FAM171A1: variants seen among roughly 807,000 people sequenced by gnomAD.
FAM171A1 encodes family with sequence similarity 171 member A1, also known as protein FAM171A1.
FAM171A1 carries 23 observed loss-of-function variants against 74.9 expected under a neutral mutation model. That is an observed-to-expected ratio of 0.31 (90% CI 0.22 to 0.44). The LOEUF (loss-of-function observed/expected upper bound fraction) is 0.44. Ranked by LOEUF, FAM171A1 falls within the 20% of genes least tolerant of loss-of-function variation. The pLI, the probability that FAM171A1 is intolerant of heterozygous loss-of-function variation, is 1.00. For missense variants in FAM171A1, 1,162 were observed against 1,159.2 expected (o/e 1.00, Z -0.03); for synonymous variants, 527 against 505.7 (o/e 1.04, Z -0.57).
chr10:15,370,985 G>A lies in FAM171A1; in HGVS notation c.68C>T (p.Thr23Met), dbSNP rs1172812611. The A allele has an allele frequency of 8.4e-7, 1 of 1,189,852 alleles. No individual in the cohort carries two copies. Among genetic ancestry groups the A allele is most frequent in the Non-Finnish European group, 1.1e-6 (1 of 937,960 alleles). 73.7% of individuals were successfully genotyped at this position (1,189,852 alleles called of 1,614,324 possible). A position where few individuals can be genotyped will look rare whatever the true frequency, so the allele number is the denominator to read the frequency against. Residue 23 changes from threonine to methionine, a missense_variant, in exon 1 of 8, where the codon ACG becomes ATG. Thr to Met is a moderately conservative substitution (Grantham distance 81, BLOSUM62 -1). Coordinates refer to ENST00000378116, the MANE Select transcript of FAM171A1 (RefSeq NM_001010924.2). ...GGCTCCGGCGCCGGGCTCCCGCAGC[G>A]TCTTGGTCACCGCCTTCCAGACGTG... ...GCHVWKAVTK[T>M]LREPGAGAQE...
intron 1 of FAM171A1, among the ~76,000 whole-genome samples, chr10:15,284,933 A>T (rs545417680): frequency 1.2e-4 from 15 of 128,248 alleles, no homozygotes; most frequent in East Asian, 1.1e-3. Context: ...GAAAAAGAAT[A>T]AAAAAAAAAA....
At chr10:15,295,218 G>A (rs948398061) in intron 1 of FAM171A1, among the ~76,000 whole-genome samples, 17 of 152,134 alleles carry the variant, frequency 1.1e-4, no homozygotes, top group African/African-American at 3.6e-4. Context: ...GATTATAGGC[G>A]TGAGCCACCA....
chr10:15,213,526 G>T lies in FAM171A1; in HGVS notation c.2062C>A (p.Leu688Met). The T allele has an allele frequency of 6.2e-7, 1 of 1,614,150 alleles. No individual in the cohort carries two copies. Among genetic ancestry groups the T allele is most frequent in the Non-Finnish European group, 8.5e-7 (1 of 1,180,028 alleles). ...AGCTCCATCAGGGCCTTTTCAGTCA[G>T]GAGCTGCACCTCACTGTTCATCTGA... ...LAQMNSEVQLLTEKALMELGG... is the reference protein window; with the variant it reads ...LAQMNSEVQLMTEKALMELGG... The change falls in exon 8 of 8, where the codon CTG (leucine) becomes ATG (methionine). Residue 688 changes from leucine (L) to methionine (M), a missense_variant. Coordinates refer to ENST00000378116, the MANE Select transcript of FAM171A1 (RefSeq NM_001010924.2). The surrounding 1 kb of genome is among the most constrained non-coding windows in gnomAD (Gnocchi z 6.8).
chr10:15,340,266 G>T (rs978154371), intron 1 of FAM171A1, among the ~76,000 whole-genome samples: 1 of 152,130 alleles, frequency 6.6e-6, no homozygotes, highest in Non-Finnish European at 1.5e-5. Context: ...TAGGAAGAGG[G>T]ATGAAGGGAT....
At chr10:15,317,158 T>C (rs1026789542) in intron 1 of FAM171A1, among the ~76,000 whole-genome samples, 2 of 151,672 alleles carry the variant, frequency 1.3e-5, no homozygotes, top group Non-Finnish European at 2.9e-5. Context: ...AGAAAAGAGA[T>C]GCAGAAAGAA....
At chr10:15,370,404 AGGCTAGT>A (rs1308641545) in intron 1 of FAM171A1, among the ~76,000 whole-genome samples, 4 of 151,190 alleles carry the variant, frequency 2.6e-5, no homozygotes, top group Non-Finnish European at 5.9e-5. Flanking sequence ...AAACTGCGGC[AGGCTAGT>A]GGCTAGTGGC....
In FAM171A1 at chr10:15,254,749, A is replaced by G. The variant is rs1834555154; in HGVS notation, c.549T>C (p.Tyr183=). The G allele has an allele frequency of 1.9e-6, 3 of 1,614,210 alleles. No individual in the cohort carries two copies. Among genetic ancestry groups the G allele is most frequent in the Non-Finnish European group, 1.7e-6 (2 of 1,180,030 alleles). The change falls in exon 4 of 8, where the codon TAT becomes TAC. Residue 183 remains tyrosine, a synonymous_variant. Transcript: ENST00000378116. ...TTCCATTTCCGTCTAATCCTCGCAA[A>G]TAAGGAAAACTGTCCACCTCCGAAG... ...SSPSEVDSFP[Y]LRGLDGNGTG... is the part of the protein sequence containing the mutation.
At chr10:15,340,768 G>A (rs1030725079) in intron 1 of FAM171A1, among the ~76,000 whole-genome samples, 1 of 152,200 alleles carries the variant, frequency 6.6e-6, no homozygotes, top group Non-Finnish European at 1.5e-5. Context: ...GATACTGAGA[G>A]CACAGCAGCA....
At chr10:15,236,910 G>A (rs1834298595) in intron 5 of FAM171A1, among the ~76,000 whole-genome samples, 2 of 152,088 alleles carry the variant, frequency 1.3e-5, no homozygotes, top group Admixed American at 6.5e-5. Context: ...TGGCCAACAT[G>A]GTGATACCCC....
chr10:15,257,766 G>A (rs990940412), intron 3 of FAM171A1, among the ~76,000 whole-genome samples: 3 of 152,202 alleles, frequency 2.0e-5, no homozygotes, highest in African/African-American at 7.2e-5. Context: ...AATGACTGAA[G>A]CAGCACGTGA....
intron 4 of FAM171A1, among the ~76,000 whole-genome samples, chr10:15,249,098 C>CTTTTTTTT (rs71390024): frequency 6.0e-5 from 8 of 133,872 alleles, no homozygotes; most frequent in Non-Finnish European, 7.8e-5. Context: ...TTTCTTTTTT[C>CTTTTTTTT]TTTTTTTTTT....
chr10:15,257,407 C>A (rs1834594470), intron 3 of FAM171A1, among the ~76,000 whole-genome samples: 1 of 152,162 alleles, frequency 6.6e-6, no homozygotes, highest in Non-Finnish European at 1.5e-5. Context: ...ACCCAGAGAA[C>A]CAGAAACCCA....
At chr10:15,368,515 T>C (rs1390883429) in intron 1 of FAM171A1, among the ~76,000 whole-genome samples, 2 of 152,218 alleles carry the variant, frequency 1.3e-5, no homozygotes, top group South Asian at 2.1e-4. Context: ...CAACAGATTC[T>C]ACATAAAAGC....
At chr10:15,327,606 G>A (rs1835571556) in intron 1 of FAM171A1, among the ~76,000 whole-genome samples, 4 of 152,122 alleles carry the variant, frequency 2.6e-5, no homozygotes, top group Admixed American at 2.6e-4. Flanking sequence ...AGCCGTGATT[G>A]CACCACTGCA....
intron 1 of FAM171A1, among the ~76,000 whole-genome samples, chr10:15,305,571 G>A (rs1372416694): frequency 2.0e-5 from 3 of 146,842 alleles, no homozygotes; most frequent in East Asian, 2.0e-4. Context: ...GGGGGCTTAG[G>A]TGGGAAAATG....
upstream of FAM171A1, among the ~76,000 whole-genome samples, chr10:15,373,740 GA>G (rs557095587): frequency 2.9e-3 from 440 of 151,974 alleles, 3 homozygotes; most frequent in African/African-American, 0.01. Flanking sequence ...ATTTAAAATA[GA>G]AAAAAAATCC....
At chr10:15,370,798 C>T (rs1197560677) in intron 1 of FAM171A1, among the ~76,000 whole-genome samples, 158 bp downstream of exon 1, 3 of 146,382 alleles carry the variant, frequency 2.0e-5, no homozygotes, top group Non-Finnish European at 3.0e-5. Context: ...CCCTCGGGAG[C>T]GCGTTGCGGG....
chr10:15,319,538 T>C (rs1273156405), intron 1 of FAM171A1, among the ~76,000 whole-genome samples: 1 of 152,194 alleles, frequency 6.6e-6, no homozygotes, highest in Non-Finnish European at 1.5e-5. Flanking sequence ...GTTCAAGTGA[T>C]TCTCATGTCT....
intron 1 of FAM171A1, among the ~76,000 whole-genome samples, chr10:15,365,425 G>A (rs1836047850): frequency 1.3e-5 from 2 of 152,150 alleles, no homozygotes; most frequent in African/African-American, 4.8e-5. Flanking sequence ...ATCCAGAGGG[G>A]CTTAATTCCC....
Sources: allele counts gnomAD v4.1 joint callset (sites outside exome capture counted in the v4.1 genomes callset), GRCh38; gene constraint gnomAD v4.1.1; non-coding constraint Gnocchi (gnomAD v3.1); transcripts MANE v1.5; gene names NCBI Gene and HGNC (gene_info 2026-07-23, HGNC 2026-07-21).